The following THADA variants were observed in gnomAD, a reference collection of about 807,000 sequenced individuals.
THADA encodes the protein THADA armadillo repeat containing, also known as tRNA (32-2'-O)-methyltransferase regulator THADA.
THADA carries 213 observed loss-of-function variants against 219.8 expected under a neutral mutation model. The observed-to-expected ratio is 0.97, with a 90% CI of 0.87 to 1.09. The LOEUF (loss-of-function observed/expected upper bound fraction) is 1.09. Ranked by LOEUF, THADA falls within the 50% of genes least tolerant of loss-of-function variation. The probability of loss-of-function intolerance (pLI) is 0.00; values close to 1 mark genes in which losing one functional copy is unlikely to be tolerated. For synonymous variants in THADA, 1,018 were observed against 828.9 expected (o/e 1.23, Z -3.92); for missense variants, 2,956 against 2,311.3 (o/e 1.28, Z -5.72).
intron 26 of THADA, among the ~76,000 whole-genome samples, chr2:43,456,819 A>G (rs1031414032): frequency 1.3e-5 from 2 of 152,196 alleles, no homozygotes; most frequent in Non-Finnish European, 2.9e-5. Context: ...ATAAATTACA[A>G]TTAAGTTCAA....
At chr2:43,516,509 A>G (rs1280349609) in intron 22 of THADA, among the ~76,000 whole-genome samples, 2 of 152,130 alleles carry the variant, frequency 1.3e-5, no homozygotes, top group Non-Finnish European at 2.9e-5. Flanking sequence ...TCCTCCAGGT[A>G]TTTACATCGT....
intron 35 of THADA, among the ~76,000 whole-genome samples, chr2:43,283,326 A>G (rs762550537): frequency 4.6e-5 from 7 of 152,248 alleles, no homozygotes; most frequent in Non-Finnish European, 8.8e-5. Context: ...TGGTACTGGA[A>G]GTGGAGCACT....
rs1470965991 is a variant in THADA, at chr2:43,343,881, T to C, written c.4343+241A>G. The C allele has an allele frequency of 2.6e-5, 10 of 381,362 alleles. 1 individual carries two copies. The highest frequency in any genetic ancestry group is 1.9e-4 in the South Asian group (6 of 31,286). 23.6% of individuals were successfully genotyped at this position (381,362 alleles called of 1,614,324 possible). A position where few individuals can be genotyped will look rare whatever the true frequency, so the allele number is the denominator to read the frequency against. ...GCAGGTTTCAACAAAAACAAGCTGA[T>C]TGGTGGGCAGACAAAAAGCCATATT... is the stretch of plus-strand genomic sequence containing the variant. On this transcript the variant is annotated intron_variant, in intron 30 of 37. Transcript: ENST00000405975.
chr2:43,537,939 C>CAA (rs1196698525), intron 21 of THADA, among the ~76,000 whole-genome samples: 24 of 60,442 alleles, frequency 4.0e-4, no homozygotes, highest in Admixed American at 7.5e-4. Flanking sequence ...GACCCAGACT[C>CAA]AAAAAAAAAA....
intron 30 of THADA, among the ~76,000 whole-genome samples, chr2:43,334,382 G>A (rs1172876392): frequency 6.6e-6 from 1 of 152,006 alleles, no homozygotes; most frequent in Non-Finnish European, 1.5e-5. Flanking sequence ...AATTAACTTG[G>A]GGTAGCAAGT....
At chr2:43,571,923 T>C (rs1699349336) in intron 12 of THADA, 61 bp from the exon 13 acceptor site, 1 of 1,534,888 alleles carries the variant, frequency 6.5e-7, no homozygotes, top group Non-Finnish European at 8.9e-7. Flanking sequence ...CCTAAATCAC[T>C]TGAATTGCTT....
chr2:43,467,220 C>T (rs1157044251), intron 26 of THADA, among the ~76,000 whole-genome samples: 1 of 148,652 alleles, frequency 6.7e-6, no homozygotes, highest in African/African-American at 2.5e-5. Context: ...CACGGGGATG[C>T]TGCTTGGCAG....
At chr2:43,516,804 AT>A (rs1691783295) in intron 22 of THADA, among the ~76,000 whole-genome samples, 1 of 152,090 alleles carries the variant, frequency 6.6e-6, no homozygotes, top group African/African-American at 2.4e-5. Context: ...GTTTTAGTGA[AT>A]TTCACTATTT....
Position 43,535,125 on chromosome 2 carries a change from C to T in THADA, c.3264+6034G>A, listed in dbSNP as rs569498524. On this transcript the variant is annotated intron_variant, in intron 21 of 37. Transcript: ENST00000405975. Reference sequence around the variant, plus strand: ...TTGAACATTTTTTCATATATTTGTTCGTCATTTCTGTTTTTGAGAAATGTC... The same window carrying T: ...TTGAACATTTTTTCATATATTTGTTTGTCATTTCTGTTTTTGAGAAATGTC... 1.1e-3 allele frequency among the ~76,000 whole-genome samples: 144 copies of T among 129,128 alleles called. 2 individuals are homozygous for T. Among genetic ancestry groups the T allele is most frequent in the African/African-American group, 4.0e-3 (138 of 34,330 alleles). The allele number at this position is 129,128 out of a possible 152,430, so 84.7% of individuals were successfully genotyped here. A position where few individuals can be genotyped will look rare whatever the true frequency, so the allele number is the denominator to read the frequency against.
At chr2:43,342,024 A>C (rs2104530261) in intron 30 of THADA, among the ~76,000 whole-genome samples, 1 of 152,326 alleles carries the variant, frequency 6.6e-6, no homozygotes, top group East Asian at 1.9e-4. Context: ...CAGCCTGGGC[A>C]ATCTGTTGAA....
intron 28 of THADA, among the ~76,000 whole-genome samples, chr2:43,402,547 T>C (rs1674989029): frequency 6.6e-6 from 1 of 152,158 alleles, no homozygotes; most frequent in South Asian, 2.1e-4. Flanking sequence ...TCTCACAATC[T>C]GTTCTTTTTT....
At chr2:43,487,357 G>A (rs146323341) in intron 25 of THADA, among the ~76,000 whole-genome samples, 15 of 152,290 alleles carry the variant, frequency 9.8e-5, no homozygotes, top group African/African-American at 2.6e-4. Flanking sequence ...AAGGCTGCCA[G>A]ATGCAGTAAA....
intron 22 of THADA, among the ~76,000 whole-genome samples, chr2:43,509,153 T>A (rs1031000539): frequency 6.6e-6 from 1 of 152,210 alleles, no homozygotes; most frequent in Non-Finnish European, 1.5e-5. Context: ...ATAATTTATG[T>A]TCTATGTTTA....
intron 28 of THADA, among the ~76,000 whole-genome samples, chr2:43,427,816 C>T (rs1009874079): frequency 2.7e-5 from 4 of 149,086 alleles, no homozygotes; most frequent in African/African-American, 4.9e-5. Flanking sequence ...ATTATCCAGG[C>T]GTGGTGGCGG....
chr2:43,322,024 G>T (rs777646488), intron 30 of THADA, among the ~76,000 whole-genome samples: 2 of 151,964 alleles, frequency 1.3e-5, no homozygotes, highest in Non-Finnish European at 2.9e-5. Flanking sequence ...TGTCTAACAT[G>T]AAAAATATGT....
chr2:43,488,909 C>T (rs1238447480), intron 25 of THADA, among the ~76,000 whole-genome samples: 1 of 152,196 alleles, frequency 6.6e-6, no homozygotes, highest in Non-Finnish European at 1.5e-5. Context: ...GCATTTCCCT[C>T]ATGACTAATG....
chr2:43,400,328 A>G (rs1452110093), intron 28 of THADA, among the ~76,000 whole-genome samples: 1 of 152,014 alleles, frequency 6.6e-6, no homozygotes, highest in Non-Finnish European at 1.5e-5. Flanking sequence ...TCCTCAAAAA[A>G]GTAATGCAAT....
intron 25 of THADA, among the ~76,000 whole-genome samples, chr2:43,494,362 A>C (rs1446549237): frequency 6.6e-6 from 1 of 152,140 alleles, no homozygotes; most frequent in African/African-American, 2.4e-5. Context: ...GGTCTTGGTT[A>C]GTACCACTCA....
At chr2:43,470,093 C>T (rs1684723332) in intron 26 of THADA, among the ~76,000 whole-genome samples, 1 of 151,194 alleles carries the variant, frequency 6.6e-6, no homozygotes, top group Admixed American at 6.6e-5. Context: ...CCTGTAGCCC[C>T]AACTACTTGG....
Sources: allele counts gnomAD v4.1 joint callset (sites outside exome capture counted in the v4.1 genomes callset), GRCh38; gene constraint gnomAD v4.1.1; transcripts MANE v1.5; gene names NCBI Gene and HGNC (gene_info 2026-07-23, HGNC 2026-07-21).